ITIH5: variants seen among roughly 807,000 people sequenced by gnomAD.
The protein encoded by ITIH5 is inter-alpha-trypsin inhibitor heavy chain H5.
A neutral mutation model predicts 77.5 loss-of-function variants in ITIH5; 65 were observed. The observed-to-expected ratio is 0.84, with a 90% CI of 0.69 to 1.03. ITIH5 has a LOEUF of 1.03. Ranked by LOEUF, ITIH5 falls within the 50% of genes least tolerant of loss-of-function variation. The probability of loss-of-function intolerance (pLI) is 0.00; values close to 1 mark genes in which losing one functional copy is unlikely to be tolerated. For synonymous variants in ITIH5, 525 were observed against 494.3 expected, an observed-to-expected ratio of 1.06 and a Z score of -0.82; for missense variants, 1,208 against 1,213.1, an observed-to-expected ratio of 1.00 and a Z score of 0.06.
At chr10:7,587,499 C>T (rs1034048524) in intron 7 of ITIH5, among the ~76,000 whole-genome samples, 6 of 152,198 alleles carry the variant, frequency 3.9e-5, no homozygotes, top group African/African-American at 1.4e-4. Flanking sequence ...CTGGGTTCAT[C>T]CCCGACTCTC....
At chr10:7,614,463 C>T (rs1396937016) in intron 7 of ITIH5, among the ~76,000 whole-genome samples, 10 of 152,140 alleles carry the variant, frequency 6.6e-5, no homozygotes, top group Admixed American at 5.2e-4. Flanking sequence ...CTTAAAACAT[C>T]GTGAGATTTT....
Position 7,640,307 on chromosome 10 carries a change from C to CA in ITIH5, c.401+446dup, listed in dbSNP as rs1257483878. 6.6e-5 allele frequency among the ~76,000 whole-genome samples: 10 copies of CA among 150,976 alleles called. No individual in the cohort carries two copies. In the East Asian group the frequency reaches 1.6e-3, roughly 23 times the overall value. ...GCAATGTAGCAAGACCCGATCTCTA[C>CA]AAAAAAAATAAAAATAAAAATTAGC... On this transcript the variant is annotated intron_variant, in intron 4 of 13. Coordinates refer to ENST00000397146, the MANE Select transcript of ITIH5 (RefSeq NM_030569.7).
Position 7,585,920 on chromosome 10 carries a change from G to A in ITIH5, c.1089C>T (p.His363=). Residue 363 remains histidine, a synonymous_variant, in exon 8 of 14, where the codon CAC becomes CAT. Transcript: ENST00000397146. ...DSIRDGKVYI[H]HMSPTGGTDI... Reference sequence around the variant, plus strand: ...CTTTACCTCCAGTGGGTGACATATGGTGAATGTACACTTTCCCATCCCTGA... The same window carrying A: ...CTTTACCTCCAGTGGGTGACATATGATGAATGTACACTTTCCCATCCCTGA... 6.2e-7 allele frequency: 1 copy of A among 1,613,570 alleles called. No homozygotes were observed. The highest frequency in any genetic ancestry group is 2.2e-5 in the East Asian group (1 of 44,848).
At chr10:7,595,213 T>C (rs1421214476) in intron 7 of ITIH5, among the ~76,000 whole-genome samples, 1 of 152,036 alleles carries the variant, frequency 6.6e-6, no homozygotes, top group Admixed American at 6.6e-5. Flanking sequence ...AGCGAGACCC[T>C]AGCTCTAAAA....
intron 5 of ITIH5, among the ~76,000 whole-genome samples, chr10:7,627,116 A>T (rs980909072): frequency 1.4e-5 from 2 of 148,110 alleles, no homozygotes; most frequent in African/African-American, 5.0e-5. Context: ...GCAAAGAAAA[A>T]CATCAGAATA....
intron 5 of ITIH5, among the ~76,000 whole-genome samples, chr10:7,624,761 G>A (rs1291031463): frequency 2.8e-5 from 2 of 72,714 alleles, no homozygotes; most frequent in Non-Finnish European, 5.3e-5. Context: ...ACTCCAACCT[G>A]GGCGATAGAG....
intron 13 of ITIH5, among the ~76,000 whole-genome samples, chr10:7,563,749 C>T (rs1220355011): frequency 2.0e-5 from 3 of 152,240 alleles, no homozygotes; most frequent in Non-Finnish European, 4.4e-5. Context: ...ACAGGCCCGC[C>T]TCCTTTCTAT....
intron 5 of ITIH5, chr10:7,619,914 C>T (rs532784623): frequency 1.3e-5 from 2 of 152,674 alleles, no homozygotes; most frequent in Non-Finnish European, 1.5e-5. Flanking sequence ...CGGTGGCTCA[C>T]GCCTGTAATC....
chr10:7,620,216 T>G (rs557133020), intron 5 of ITIH5: 3 of 152,080 alleles, frequency 2.0e-5, no homozygotes, highest in Admixed American at 2.0e-4. Flanking sequence ...AAGGAGCAAT[T>G]ACATATACAA....
chr10:7,638,017 A>C (rs1564274089), intron 4 of ITIH5, among the ~76,000 whole-genome samples: 1 of 152,246 alleles, frequency 6.6e-6, no homozygotes, highest in Non-Finnish European at 1.5e-5. Context: ...TCTCTTATTC[A>C]AAATGGCAGA....
At chr10:7,606,376 G>A (rs771758420) in intron 7 of ITIH5, among the ~76,000 whole-genome samples, 19 of 152,150 alleles carry the variant, frequency 1.2e-4, no homozygotes, top group African/African-American at 4.6e-4. Context: ...TGGTGGACTC[G>A]ATAAAGAAAA....
At chr10:7,569,477 G>A (rs1401007691) in intron 12 of ITIH5, 191 bp downstream of exon 12, 3 of 441,890 alleles carry the variant, frequency 6.8e-6, no homozygotes, top group Non-Finnish European at 1.2e-5. Context: ...AGGTCACACG[G>A]CACTTGTCAT....
At chr10:7,615,101 G>T (rs1202407705) in intron 7 of ITIH5, among the ~76,000 whole-genome samples, 2 of 152,086 alleles carry the variant, frequency 1.3e-5, no homozygotes, top group East Asian at 3.9e-4. Flanking sequence ...ACAAAAATTA[G>T]CCAGGTGTGG....
chr10:7,647,645 G>A (rs1344381315), intron 2 of ITIH5, among the ~76,000 whole-genome samples: 1 of 152,202 alleles, frequency 6.6e-6, no homozygotes, highest in African/African-American at 2.4e-5. Flanking sequence ...GTGACTGCTG[G>A]TGAGTGAAAT....
At chr10:7,585,841 C>A (rs12218509) in intron 8 of ITIH5, 60 bp downstream of exon 8, 424,301 of 1,316,840 alleles carry the variant, frequency 0.32, 68,532 homozygotes, top group East Asian at 0.63. Flanking sequence ...AAAAAAAAAA[C>A]CAAAAAAAAA....
intron 5 of ITIH5, among the ~76,000 whole-genome samples, chr10:7,631,462 T>C (rs1420630964): frequency 6.6e-6 from 1 of 151,994 alleles, no homozygotes; most frequent in Non-Finnish European, 1.5e-5. Flanking sequence ...TAAGAAGCTC[T>C]TTTTTGACAC....
intron 7 of ITIH5, chr10:7,600,508 C>T: frequency 2.2e-6 from 1 of 456,790 alleles, no homozygotes; most frequent in South Asian, 1.5e-5. Context: ...GGTCTCTCCT[C>T]CTGGATATTT....
In ITIH5 at chr10:7,576,485, A is replaced by ACCACC. The variant is rs770721943; in HGVS notation, c.1941_1945dup (p.Val649GlyfsTer44). ...CGTGCCAGCTCCTCGCACGCTCTGC[A>ACCACC]CCACCGGTTCGGGTCCCATGGCAGC... On this transcript the variant is annotated frameshift_variant, in exon 10 of 14. Transcript: ENST00000397146. LOFTEE classifies it high-confidence loss of function. 23 of 1,607,500 alleles carry ACCACC rather than the reference A, an allele frequency of 1.4e-5. No homozygotes were observed. Among genetic ancestry groups the ACCACC allele is most frequent in the Non-Finnish European group, 1.9e-5 (22 of 1,179,434 alleles).
chr10:7,572,879 G>C (rs1327481177), intron 11 of ITIH5: 1 of 280,082 alleles, frequency 3.6e-6, no homozygotes, highest in Non-Finnish European at 6.6e-6. Context: ...CCAGGTTCAA[G>C]TGATTCTCCT....
Sources: allele counts gnomAD v4.1 joint callset (sites outside exome capture counted in the v4.1 genomes callset), GRCh38; gene constraint gnomAD v4.1.1; transcripts MANE v1.5; gene names NCBI Gene and HGNC (gene_info 2026-07-23, HGNC 2026-07-21).